Variants in TBC1D22A observed in about 807,000 individuals in gnomAD.
TBC1D22A encodes the protein putative GTPase activator.
A neutral mutation model predicts 60.2 loss-of-function variants in TBC1D22A; 38 were observed. That is an observed-to-expected ratio of 0.63 (90% CI 0.49 to 0.83). The LOEUF (loss-of-function observed/expected upper bound fraction) is 0.83, where lower values mean the gene tolerates loss of function less well. Among genes scored for constraint, TBC1D22A ranks in the 40% least tolerant of loss-of-function variants. The pLI is 0.00. For missense variants in TBC1D22A, 628 were observed against 701.0 expected (o/e 0.90, Z 1.18); for synonymous variants, 302 against 281.7 (o/e 1.07, Z -0.72).
intron 1 of TBC1D22A, among the ~76,000 whole-genome samples, chr22:46,780,651 A>G (rs57121056): frequency 0.016 from 2,474 of 152,272 alleles, 73 homozygotes; most frequent in African/African-American, 0.057. Flanking sequence ...AGTCACTTGT[A>G]TCCTCATGGA....
At chr22:46,893,511 A>G (rs2068512088) in intron 6 of TBC1D22A, among the ~76,000 whole-genome samples, 1 of 152,186 alleles carries the variant, frequency 6.6e-6, no homozygotes, top group African/African-American at 2.4e-5. Context: ...GCTCCTATGT[A>G]AGCGGGCTTT....
At chr22:46,995,995 T>G (rs2075110192) in intron 9 of TBC1D22A, among the ~76,000 whole-genome samples, 2 of 152,244 alleles carry the variant, frequency 1.3e-5, no homozygotes, top group South Asian at 4.1e-4. Flanking sequence ...GGGTGCCACG[T>G]GGACAGCTGC....
intron 10 of TBC1D22A, among the ~76,000 whole-genome samples, chr22:47,027,487 C>G (rs994395285): frequency 6.6e-6 from 1 of 152,144 alleles, no homozygotes; most frequent in African/African-American, 2.4e-5. Flanking sequence ...ACCCCCTTCC[C>G]ACCCTTTTCC....
chr22:47,156,436 C>T (rs562743970), intron 12 of TBC1D22A, among the ~76,000 whole-genome samples: 4 of 152,308 alleles, frequency 2.6e-5, no homozygotes, highest in Non-Finnish European at 4.4e-5. Flanking sequence ...GGCTGCTTGA[C>T]CCTGAGCTGT....
chr22:47,132,585 T>C (rs2147119932), intron 12 of TBC1D22A, among the ~76,000 whole-genome samples: 1 of 152,340 alleles, frequency 6.6e-6, no homozygotes, highest in East Asian at 1.9e-4. Context: ...ATGAGCTGCC[T>C]CCTTGCCTGG....
intron 12 of TBC1D22A, among the ~76,000 whole-genome samples, chr22:47,166,546 C>T (rs951790140): frequency 5.3e-5 from 8 of 152,232 alleles, no homozygotes; most frequent in East Asian, 1.9e-4. Context: ...CCCTTGAAGG[C>T]GAAGTCTGCG....
intron 11 of TBC1D22A, among the ~76,000 whole-genome samples, chr22:47,066,820 C>T (rs1048638849): frequency 2.6e-5 from 4 of 152,184 alleles, no homozygotes; most frequent in African/African-American, 9.6e-5. Context: ...GCCCATTCCA[C>T]ATCTGTATTT....
At chr22:46,763,545 C>T (rs567246449) in intron 1 of TBC1D22A, among the ~76,000 whole-genome samples, 94 of 151,630 alleles carry the variant, frequency 6.2e-4, no homozygotes, top group Non-Finnish European at 7.9e-4. Flanking sequence ...TGAGACATTA[C>T]GTGGAGGGTA....
chr22:46,988,084 A>G (rs1477280342), intron 9 of TBC1D22A, among the ~76,000 whole-genome samples: 1 of 152,310 alleles, frequency 6.6e-6, no homozygotes, highest in Middle Eastern at 3.4e-3. Flanking sequence ...GAAAAGAAAA[A>G]AAAAAAGAAA....
At chr22:46,943,419 GT>G (rs2072303252) in intron 8 of TBC1D22A, among the ~76,000 whole-genome samples, 1 of 152,224 alleles carries the variant, frequency 6.6e-6, no homozygotes, top group Non-Finnish European at 1.5e-5. Context: ...AAGAATTTGT[GT>G]TTTAGCTGGT....
chr22:46,988,965 G>A (rs550525169), intron 9 of TBC1D22A, among the ~76,000 whole-genome samples: 12 of 152,210 alleles, frequency 7.9e-5, no homozygotes, highest in South Asian at 2.1e-4. Context: ...AGCCACCTTC[G>A]TCAGTTATCT....
intron 10 of TBC1D22A, among the ~76,000 whole-genome samples, chr22:47,032,671 G>A (rs1220048518): frequency 1.3e-5 from 2 of 152,202 alleles, no homozygotes; most frequent in Non-Finnish European, 2.9e-5. Context: ...TGGCAGCATT[G>A]GAGAACCTTC....
intron 1 of TBC1D22A, among the ~76,000 whole-genome samples, chr22:46,782,366 T>C (rs866152110): frequency 6.6e-6 from 1 of 152,222 alleles, no homozygotes; most frequent in African/African-American, 2.4e-5. Flanking sequence ...CTTGGACTTA[T>C]TTAAAGGTTG....
At chr22:46,768,397 G>T (rs536585533) in intron 1 of TBC1D22A, among the ~76,000 whole-genome samples, 1 of 150,312 alleles carries the variant, frequency 6.7e-6, no homozygotes, top group Non-Finnish European at 1.5e-5. Flanking sequence ...AGGCAGGAGA[G>T]TCGCTTGAAC....
At chr22:46,864,689 C>G (rs532787276) in intron 4 of TBC1D22A, among the ~76,000 whole-genome samples, 2 of 152,176 alleles carry the variant, frequency 1.3e-5, no homozygotes, top group Admixed American at 6.5e-5. Flanking sequence ...ATTTTGAAAG[C>G]CTGAGGGTGA....
chr22:47,066,854 CTG>C (rs778205208), intron 11 of TBC1D22A, among the ~76,000 whole-genome samples: 1 of 152,174 alleles, frequency 6.6e-6, no homozygotes, highest in Non-Finnish European at 1.5e-5. Context: ...ACACTGGTGT[CTG>C]GATAGGTCAC....
At chr22:47,003,686 T>C (rs2061475128) in intron 10 of TBC1D22A, among the ~76,000 whole-genome samples, 1 of 120,188 alleles carries the variant, frequency 8.3e-6, no homozygotes, top group Admixed American at 7.7e-5. Context: ...CACACATGCC[T>C]GTATACACAC....
intron 10 of TBC1D22A, among the ~76,000 whole-genome samples, chr22:47,024,592 A>T (rs2062192357): frequency 6.6e-6 from 1 of 152,038 alleles, no homozygotes; most frequent in Non-Finnish European, 1.5e-5. Context: ...GGTTGCTCAA[A>T]CCCATAGTCC....
intron 8 of TBC1D22A, among the ~76,000 whole-genome samples, chr22:46,946,142 G>A (rs1166332013): frequency 6.6e-6 from 1 of 152,138 alleles, no homozygotes; most frequent in African/African-American, 2.4e-5. Context: ...AGCTTCCTCC[G>A]TGTAGGTTCG....
Sources: allele counts gnomAD v4.1 joint callset (sites outside exome capture counted in the v4.1 genomes callset), GRCh38; gene constraint gnomAD v4.1.1; transcripts MANE v1.5; gene names NCBI Gene and HGNC (gene_info 2026-07-23, HGNC 2026-07-21).